The following KMT2E variants were observed in gnomAD, a reference collection of about 807,000 sequenced individuals.
The protein encoded by KMT2E is histone reader KMT2E.
In KMT2E, 30 loss-of-function variants were observed where a neutral mutation model predicts 184.6. The ratio of observed to expected loss-of-function variants is 0.16; its 90% CI spans 0.12 to 0.22. KMT2E has a LOEUF of 0.22. KMT2E is among the 10% of genes least tolerant of loss of function. The probability of loss-of-function intolerance (pLI) is 1.00; values close to 1 mark genes in which losing one functional copy is unlikely to be tolerated. For missense variants in KMT2E, 2,023 were observed against 2,237.4 expected (o/e 0.90, Z 1.93); for synonymous variants, 815 against 776.5 (o/e 1.05, Z -0.82).
chr7:105,024,089 T>G (rs1795074506), intron 1 of KMT2E, among the ~76,000 whole-genome samples: 2 of 152,206 alleles, frequency 1.3e-5, no homozygotes, highest in African/African-American at 4.8e-5. Flanking sequence ...GGATGATAAT[T>G]TAATTTCTTT....
At chr7:105,079,356 G>A (rs1797662149) in intron 12 of KMT2E, among the ~76,000 whole-genome samples, 1 of 150,882 alleles carries the variant, frequency 6.6e-6, no homozygotes, top group Admixed American at 6.6e-5. Flanking sequence ...GGCTGGTCTC[G>A]AACTCCGGAC....
At chr7:105,083,771 A>ATC (rs1375890136) in intron 13 of KMT2E, among the ~76,000 whole-genome samples, 1 of 152,162 alleles carries the variant, frequency 6.6e-6, no homozygotes, top group Non-Finnish European at 1.5e-5. Context: ...TTTCAGGCAG[A>ATC]TACTCTTTCT....
chr7:105,106,440 T>C (rs1798901029), intron 19 of KMT2E, 82 bp from the exon 20 acceptor site: 1 of 1,311,084 alleles, frequency 7.6e-7, no homozygotes, highest in East Asian at 2.3e-5. Flanking sequence ...GTTTATATTT[T>C]ATCTTTCCCA....
chr7:105,052,737 A>T (rs989744535), intron 3 of KMT2E, among the ~76,000 whole-genome samples: 8 of 148,860 alleles, frequency 5.4e-5, no homozygotes, highest in Admixed American at 6.7e-5. Context: ...TTTTTTTTTT[A>T]TTTTTTTATT....
chr7:105,078,756 C>T (rs1797635327), intron 11 of KMT2E, 90 bp from the exon 12 acceptor site: 1 of 565,662 alleles, frequency 1.8e-6, no homozygotes, highest in South Asian at 1.7e-5. Context: ...AATCCACCTG[C>T]CTCGGCCTCC....
intron 13 of KMT2E, 97 bp from the exon 14 acceptor site, chr7:105,089,912 G>A (rs1374975680): frequency 3.3e-6 from 5 of 1,519,264 alleles, no homozygotes; most frequent in Non-Finnish European, 4.4e-6. Flanking sequence ...AATAGTAATT[G>A]CATACAATTT....
chr7:105,107,792 C>A lies in KMT2E; in HGVS notation c.3335C>A (p.Thr1112Asn). Residue 1112 changes from threonine to asparagine, a missense_variant, in exon 22 of 27, where the codon ACT becomes AAT. By Grantham distance (65) the Thr-to-Asn change is moderately conservative. Around this residue, in one of 8 missense-constraint regions of KMT2E, gnomAD observed 1,108 missense variants for 1,050.9 expected, o/e 1.05. Transcript: ENST00000311117. ...SESKCLMQDD[T>N]RGMFMETTVF... is the part of the protein sequence containing the mutation. ...TCAAAGTGCCTGATGCAGGATGATA[C>A]TAGAGGCATGTTTATGGAAACAACT... 1 of 1,614,092 alleles carries A rather than the reference C, an allele frequency of 6.2e-7. No individual in the cohort carries two copies. Among genetic ancestry groups the A allele is most frequent in the Admixed American group, 1.7e-5 (1 of 60,020 alleles).
In KMT2E at chr7:105,107,154, CT is replaced by C; in HGVS notation, c.2848-9del. 7.4e-7 allele frequency: 1 copy of C among 1,360,002 alleles called. No homozygotes were observed. The highest frequency in any genetic ancestry group is 1.0e-6 in the Non-Finnish European group (1 of 982,784). The allele number at this position is 1,360,002 out of a possible 1,614,324, so 84.2% of individuals were successfully genotyped here. A position where few individuals can be genotyped will look rare whatever the true frequency, so the allele number is the denominator to read the frequency against. On this transcript the variant is annotated splice_polypyrimidine_tract_variant and intron_variant, in intron 20 of 26. Coordinates refer to ENST00000311117, the MANE Select transcript of KMT2E (RefSeq NM_182931.3). ...TTTAAATTTTCAATTCTAATTCTTT[CT>C]TTATATACAGAATATTTCTTCCCCA...
At chr7:105,050,810 A>G (rs907973009) in intron 3 of KMT2E, among the ~76,000 whole-genome samples, 7 of 151,664 alleles carry the variant, frequency 4.6e-5, no homozygotes, top group Admixed American at 6.6e-5. Context: ...GCTCACTGCA[A>G]TCTCCACCTT....
At chr7:105,111,765 A>G (rs924467237) in intron 26 of KMT2E, 60 bp from the exon 27 acceptor site, 18 of 1,526,650 alleles carry the variant, frequency 1.2e-5, no homozygotes, top group Non-Finnish European at 1.4e-5. Flanking sequence ...ACCAACAAGA[A>G]TAAACCTCAA....
At chr7:105,082,591 G>C (rs1204603678) in intron 13 of KMT2E, among the ~76,000 whole-genome samples, 1 of 152,136 alleles carries the variant, frequency 6.6e-6, no homozygotes, top group Non-Finnish European at 1.5e-5. Flanking sequence ...AGGCTGAGGA[G>C]GAAGGGTGGG....
chr7:105,108,245 G>T (rs1170223717), intron 22 of KMT2E, among the ~76,000 whole-genome samples: 1 of 151,920 alleles, frequency 6.6e-6, no homozygotes, highest in Admixed American at 6.6e-5. Flanking sequence ...AATAATATTT[G>T]TGTTATTACC....
chr7:105,023,339 T>TTGCA (rs1220808994), intron 1 of KMT2E, among the ~76,000 whole-genome samples: 1 of 139,074 alleles, frequency 7.2e-6, no homozygotes, highest in Non-Finnish European at 1.5e-5. Context: ...GAGGCAGAGG[T>TTGCA]TGCAGTGAGC....
intron 3 of KMT2E, among the ~76,000 whole-genome samples, chr7:105,042,873 A>G (rs749960701): frequency 6.6e-6 from 1 of 152,240 alleles, no homozygotes; most frequent in African/African-American, 2.4e-5. Context: ...TATTAATATA[A>G]CAATTAGTAT....
At chr7:105,075,944 TGACA>T in intron 8 of KMT2E, 95 bp from the exon 9 acceptor site, 1 of 901,376 alleles carries the variant, frequency 1.1e-6, no homozygotes, top group Non-Finnish European at 1.8e-6. Flanking sequence ...TTTTTTGTTA[TGACA>T]CTTCAGTTAA....
Position 105,112,209 on chromosome 7 carries a change from T to G in KMT2E, c.4453T>G (p.Ser1485Ala). The G allele has an allele frequency of 6.2e-7, 1 of 1,614,136 alleles. No individual in the cohort carries two copies. The highest frequency in any genetic ancestry group is 8.5e-7 in the Non-Finnish European group (1 of 1,180,014). The change falls in exon 27 of 27, where the codon TCA becomes GCA. Residue 1485 changes from serine to alanine, a missense_variant. Around this residue, in one of 8 missense-constraint regions of KMT2E, gnomAD observed 1,108 missense variants for 1,050.9 expected, o/e 1.05. Transcript: ENST00000311117. ...GSPYRPHHSQ[S>A]PQVGTPQREP... ...TCCCTACAGGCCTCATCATTCACAGTCACCTCAAGTTGGAACACCTCAGCG... is the reference window on the plus strand; with the variant it reads ...TCCCTACAGGCCTCATCATTCACAGGCACCTCAAGTTGGAACACCTCAGCG...
intron 3 of KMT2E, among the ~76,000 whole-genome samples, chr7:105,059,895 T>A (rs1235532469): frequency 6.6e-6 from 1 of 151,174 alleles, no homozygotes; most frequent in African/African-American, 2.4e-5. Context: ...AATTTTGAAA[T>A]TAAGAAACAT....
At chr7:105,061,862 A>G (rs554115937) in intron 3 of KMT2E, 6 of 219,608 alleles carry the variant, frequency 2.7e-5, no homozygotes, top group Non-Finnish European at 3.6e-5. Context: ...CCCCTTTGCT[A>G]GTTTTCTCAG....
At position 105,111,834 on chromosome 7, in the gene KMT2E, C is replaced by T; in HGVS notation, c.4078C>T (p.Pro1360Ser). ...SPPKMSKPGSPGSVIPAQAHG... is the reference protein window; with the variant it reads ...SPPKMSKPGSSGSVIPAQAHG... ...TGTTTTCTCTTCATAGCCTGGTTCA[C>T]CTGGATCTGTAATTCCTGCTCAAGC... The change falls in exon 27 of 27, where the codon CCT (proline) becomes TCT (serine). Residue 1360 changes from proline to serine, a missense_variant. By Grantham distance (74) the Pro-to-Ser change is moderately conservative (BLOSUM62 -1). Transcript: ENST00000311117. 6.2e-7 allele frequency: 1 copy of T among 1,611,842 alleles called. No homozygotes were observed. The highest frequency in any genetic ancestry group is 1.1e-5 in the South Asian group (1 of 90,662).
Sources: gnomAD v4.1 joint callset for allele counts (sites outside exome capture counted in the v4.1 genomes callset) on GRCh38, gnomAD v4.1.1 for gene constraint, gnomAD v4.1.1 regional missense constraint, MANE v1.5 for transcripts, NCBI Gene and HGNC (gene_info 2026-07-23, HGNC 2026-07-21) for gene names.